Variants in YWHAZ observed in about 807,000 individuals in gnomAD.
The protein encoded by YWHAZ is tyrosine 3-monooxygenase/tryptophan 5-monooxygenase activation protein zeta.
For synonymous variants in YWHAZ, 87 were observed against 103.6 expected (o/e 0.84, Z 0.97); for missense variants, 79 against 284.8 (o/e 0.28, Z 5.20).
rs531619161 is a variant in YWHAZ, at chr8:100,919,968, C to T, written c.*725G>A. 1 of 152,304 alleles carries T rather than the reference C, an allele frequency of 6.6e-6. No individual in the cohort carries two copies. Among genetic ancestry groups the T allele is most frequent in the South Asian group, 2.1e-4 (1 of 4,820 alleles). The allele number at this position is 152,304 out of a possible 1,614,324, so 9.4% of individuals were successfully genotyped here. On this transcript the variant is annotated 3_prime_UTR_variant, in exon 6 of 6. Transcript: ENST00000395958. ...CTTGATATACATGAAGTAATGAATA[C>T]CAAGCAATTCATTTTTCCTGCATCT...
At chr8:100,950,811 G>A (rs970165232) in intron 1 of YWHAZ, 3 of 168,532 alleles carry the variant, frequency 1.8e-5, no homozygotes, top group Non-Finnish European at 2.4e-5. Context: ...GCCGGTGACC[G>A]TGTACAGCGT....
chr8:100,951,801 C>G (rs950138404), intron 1 of YWHAZ, 128 bp downstream of exon 1: 2 of 985,192 alleles, frequency 2.0e-6, no homozygotes, highest in African/African-American at 1.7e-5. Context: ...TGAGGAGACT[C>G]CGCCTCAGCC....
At chr8:100,931,613 C>G (rs1813766759) in intron 2 of YWHAZ, among the ~76,000 whole-genome samples, 1 of 152,120 alleles carries the variant, frequency 6.6e-6, no homozygotes, top group African/African-American at 2.4e-5. Flanking sequence ...AATAGCTAAT[C>G]TTTATTTTCT....
intron 2 of YWHAZ, among the ~76,000 whole-genome samples, chr8:100,925,642 C>T (rs978816905): frequency 6.6e-6 from 1 of 152,162 alleles, no homozygotes; most frequent in South Asian, 2.1e-4. Context: ...AAAGAGCAGA[C>T]CTTTAATCTC....
At chr8:100,950,742 A>C (rs1338714739) in intron 1 of YWHAZ, among the ~76,000 whole-genome samples, 2 of 150,594 alleles carry the variant, frequency 1.3e-5, no homozygotes, top group Admixed American at 6.6e-5. Flanking sequence ...AACCACTACC[A>C]GCCCCGCCGC....
intron 2 of YWHAZ, among the ~76,000 whole-genome samples, chr8:100,929,564 A>G (rs759743009): frequency 6.6e-6 from 1 of 152,210 alleles, no homozygotes; most frequent in Non-Finnish European, 1.5e-5. Flanking sequence ...TTGGTAGAAT[A>G]AATAAATGTT....
At chr8:100,946,802 G>T (rs376977468) in intron 2 of YWHAZ, among the ~76,000 whole-genome samples, 176 of 148,896 alleles carry the variant, frequency 1.2e-3, no homozygotes, top group South Asian at 0.011. Context: ...AAAACTTTTC[G>T]ATCAGGTGTA....
chr8:100,942,456 AAAAG>A (rs1809938807), intron 2 of YWHAZ, among the ~76,000 whole-genome samples: 1 of 152,200 alleles, frequency 6.6e-6, no homozygotes, highest in East Asian at 1.9e-4. Flanking sequence ...CACATAATAA[AAAAG>A]AGAGAACTGC....
chr8:100,926,448 T>A (rs1376652210), intron 2 of YWHAZ, among the ~76,000 whole-genome samples: 1 of 152,062 alleles, frequency 6.6e-6, no homozygotes, highest in Non-Finnish European at 1.5e-5. Flanking sequence ...CTCGTCAACA[T>A]GGTGAAACCC....
chr8:100,949,634 C>G (rs955131318), intron 1 of YWHAZ, among the ~76,000 whole-genome samples: 2 of 152,208 alleles, frequency 1.3e-5, no homozygotes, highest in African/African-American at 4.8e-5. Flanking sequence ...GACACTTCAA[C>G]TCTTACTGTG....
chr8:100,945,548 A>G (rs1810205072), intron 2 of YWHAZ, among the ~76,000 whole-genome samples: 1 of 152,136 alleles, frequency 6.6e-6, no homozygotes. Flanking sequence ...GGCTGGAGTA[A>G]TAAAAAATTA....
Position 100,922,796 on chromosome 8 carries a change from A to T in YWHAZ, c.678+1159T>A, listed in dbSNP as rs1813120603. On this transcript the variant is annotated intron_variant, in intron 5 of 5. Transcript: ENST00000395958. The surrounding 1 kb of genome is among the most constrained non-coding windows in gnomAD (Gnocchi z 4.1). Reference sequence around the variant, plus strand: ...TCAAAAAGTGATGTGAACAAAACACAGTATCTAGGTCTCAGGTCATCACTT... The same window carrying T: ...TCAAAAAGTGATGTGAACAAAACACTGTATCTAGGTCTCAGGTCATCACTT... 1 of 152,242 alleles carries T rather than the reference A, an allele frequency of 6.6e-6. No individual in the cohort carries two copies. Among genetic ancestry groups the T allele is most frequent in the Non-Finnish European group, 1.5e-5 (1 of 68,036 alleles). The allele number at this position is 152,242 out of a possible 1,614,324, so 9.4% of individuals were successfully genotyped here. A position where few individuals can be genotyped will look rare whatever the true frequency, so the allele number is the denominator to read the frequency against.
rs1375149158 is a variant in YWHAZ at position 100,919,046 on chromosome 8, G to A, written c.*1647C>T. 1 of 152,260 alleles carries A rather than the reference G, an allele frequency of 6.6e-6. No homozygotes were observed. Among genetic ancestry groups the A allele is most frequent in the Non-Finnish European group, 1.5e-5 (1 of 68,048 alleles). 9.4% of individuals were successfully genotyped at this position (152,260 alleles called of 1,614,324 possible). Reference sequence around the variant, plus strand: ...TAAACACAGTCTCATCAACTAAGGAGAGATTTGCTGCAGTAAATAGGATGA... The same window carrying A: ...TAAACACAGTCTCATCAACTAAGGAAAGATTTGCTGCAGTAAATAGGATGA... On this transcript the variant is annotated 3_prime_UTR_variant, in exon 6 of 6. Coordinates refer to ENST00000395958, the MANE Select transcript of YWHAZ (RefSeq NM_145690.3).
At position 100,919,302 on chromosome 8, in the gene YWHAZ, A is replaced by G. The variant is rs1212663101; in HGVS notation, c.*1391T>C. On this transcript the variant is annotated 3_prime_UTR_variant, in exon 6 of 6. Coordinates refer to ENST00000395958, the MANE Select transcript of YWHAZ (RefSeq NM_145690.3). ...GAGTATCAAGAAATTCTTAAAAACCAAAAAGTGATTTGGAAGCACAAAACT... is the reference window on the plus strand; with the variant it reads ...GAGTATCAAGAAATTCTTAAAAACCGAAAAGTGATTTGGAAGCACAAAACT... 1 of 152,678 alleles carries G rather than the reference A, an allele frequency of 6.5e-6. No individual in the cohort carries two copies. Among genetic ancestry groups the G allele is most frequent in the Non-Finnish European group, 1.5e-5 (1 of 68,046 alleles). 9.5% of individuals were successfully genotyped at this position (152,678 alleles called of 1,614,324 possible).
chr8:100,925,227 T>C (rs964917), intron 2 of YWHAZ, among the ~76,000 whole-genome samples, 188 bp from the exon 3 acceptor site: 84,172 of 152,046 alleles, frequency 0.55, 23,671 homozygotes, highest in South Asian at 0.68. Context: ...GGCAGCAATA[T>C]TTTAAGTTTG....
intron 2 of YWHAZ, among the ~76,000 whole-genome samples, chr8:100,937,297 C>G (rs1399256809): frequency 1.4e-5 from 2 of 139,282 alleles, no homozygotes; most frequent in Non-Finnish European, 3.1e-5. Flanking sequence ...TTTTTTTTTT[C>G]AAATTTCCTT....
At chr8:100,928,320 A>T (rs1813512239) in intron 2 of YWHAZ, among the ~76,000 whole-genome samples, 1 of 152,086 alleles carries the variant, frequency 6.6e-6, no homozygotes, top group South Asian at 2.1e-4. Flanking sequence ...GCCTACTTCT[A>T]ATAAATCGTC....
chr8:100,932,045 C>CT (rs1219740064), intron 2 of YWHAZ: 1 of 152,220 alleles, frequency 6.6e-6, no homozygotes, highest in Admixed American at 6.5e-5. Flanking sequence ...AATTCAAACT[C>CT]TGTCACCTTG....
intron 2 of YWHAZ, among the ~76,000 whole-genome samples, chr8:100,946,001 T>C (rs1810238025): frequency 6.6e-6 from 1 of 152,174 alleles, no homozygotes; most frequent in South Asian, 2.1e-4. Flanking sequence ...AAGCCATTTG[T>C]ATAGTAAAGA....
Sources: allele counts gnomAD v4.1 joint callset (sites outside exome capture counted in the v4.1 genomes callset), GRCh38; gene constraint gnomAD v4.1.1; non-coding constraint Gnocchi (gnomAD v3.1); transcripts MANE v1.5; gene names NCBI Gene and HGNC (gene_info 2026-07-23, HGNC 2026-07-21).